PTPN3: variants seen among roughly 807,000 people sequenced by gnomAD.
PTPN3 encodes the protein tyrosine-protein phosphatase non-receptor type 3.
In PTPN3, 96 loss-of-function variants were observed where a neutral mutation model predicts 132.7. The ratio of observed to expected loss-of-function variants is 0.72; its 90% CI spans 0.61 to 0.86. The LOEUF (loss-of-function observed/expected upper bound fraction) is 0.86, where lower values mean the gene tolerates loss of function less well. Ranked by LOEUF, PTPN3 falls within the 40% of genes least tolerant of loss-of-function variation. PTPN3 has a pLI of 0.00. For synonymous variants in PTPN3, 398 were observed against 429.0 expected (o/e 0.93, Z 0.89); for missense variants, 1,125 against 1,159.6 (o/e 0.97, Z 0.43).
intron 1 of PTPN3, among the ~76,000 whole-genome samples, chr9:109,484,469 T>C (rs1847119736): frequency 6.6e-6 from 1 of 152,090 alleles, no homozygotes; most frequent in South Asian, 2.1e-4. Context: ...GCCACCTCTG[T>C]GGAAACTTGG....
At chr9:109,427,636 TTTTCTGTTTTCATGTTA>T (rs1843372274) in intron 11 of PTPN3, among the ~76,000 whole-genome samples, 1 of 152,182 alleles carries the variant, frequency 6.6e-6, no homozygotes, top group African/African-American at 2.4e-5. Flanking sequence ...TGAGTTTAGG[TTTTCTGTTTTCATGTTA>T]AATTGCCGTC....
intron 12 of PTPN3, among the ~76,000 whole-genome samples, 179 bp from the exon 13 acceptor site, chr9:109,423,031 A>C (rs1189499874): frequency 2.0e-5 from 3 of 152,240 alleles, no homozygotes; most frequent in African/African-American, 7.2e-5. Context: ...GAATTTCCTT[A>C]TGTGATTTCT....
intron 2 of PTPN3, among the ~76,000 whole-genome samples, chr9:109,459,937 C>T (rs1374738316): frequency 2.0e-5 from 3 of 152,084 alleles, no homozygotes; most frequent in Non-Finnish European, 4.4e-5. Flanking sequence ...CTCAGGGGAT[C>T]TCCTCCAGTT....
chr9:109,508,164 C>CT, the PTPN3 span, among the ~76,000 whole-genome samples: 9,800 of 143,766 alleles, frequency 0.068, 440 homozygotes, highest in East Asian at 0.23. Context: ...TTCTCTCTCT[C>CT]TTTTTTTTTT....
chr9:109,468,656 G>T (rs551020968), intron 1 of PTPN3, among the ~76,000 whole-genome samples: 1 of 152,074 alleles, frequency 6.6e-6, no homozygotes, highest in African/African-American at 2.4e-5. Flanking sequence ...GTGAGCCACC[G>T]CGCCCGGCTG....
chr9:109,532,193 C>A, the PTPN3 span, among the ~76,000 whole-genome samples: 1 of 152,166 alleles, frequency 6.6e-6, no homozygotes, highest in South Asian at 2.1e-4. Context: ...GCTGGCCACT[C>A]TCAAAAGACA....
chr9:109,412,235 G>A lies in PTPN3; in HGVS notation c.1314-1820C>T, dbSNP rs1211973471. 2.0e-5 allele frequency among the ~76,000 whole-genome samples: 3 copies of A among 152,010 alleles called. No homozygotes were observed. In the East Asian group the frequency reaches 5.8e-4, roughly 29 times the overall value. ...CCATTTTTTTTTCTTTTGAGGTAGGGTAAAGCTCTGTTGCCCAGGCTGGAG... is the reference window on the plus strand; with the variant it reads ...CCATTTTTTTTTCTTTTGAGGTAGGATAAAGCTCTGTTGCCCAGGCTGGAG... On this transcript the variant is annotated intron_variant, in intron 14 of 25. Transcript: ENST00000374541.
chr9:109,509,525 T>C, the PTPN3 span, among the ~76,000 whole-genome samples: 40,492 of 152,108 alleles, frequency 0.27, 5,700 homozygotes, highest in South Asian at 0.31. Flanking sequence ...CATCTTTTCT[T>C]ATGCTGGGCT....
At chr9:109,388,004 C>A (rs1055806966) in intron 22 of PTPN3, among the ~76,000 whole-genome samples, 2 of 152,228 alleles carry the variant, frequency 1.3e-5, no homozygotes, top group African/African-American at 4.8e-5. Flanking sequence ...TCTCTCTGCA[C>A]TTGCAGACCT....
chr9:109,520,173 A>AT, the PTPN3 span, among the ~76,000 whole-genome samples: 1 of 151,510 alleles, frequency 6.6e-6, no homozygotes. Context: ...AAAAAAAAAA[A>AT]GAAATGCCTC....
At chr9:109,461,457 T>C (rs568371370) in intron 2 of PTPN3, among the ~76,000 whole-genome samples, 1 of 152,284 alleles carries the variant, frequency 6.6e-6, no homozygotes, top group Non-Finnish European at 1.5e-5. Flanking sequence ...TTAATTAAGA[T>C]AAAATACAAA....
intron 24 of PTPN3, 43 bp downstream of exon 24, chr9:109,382,259 C>T (rs1462231577): frequency 1.2e-6 from 2 of 1,600,160 alleles, no homozygotes; most frequent in Middle Eastern, 1.7e-4. Context: ...CCTTTTCCGA[C>T]AGGGAAAGGA....
At chr9:109,422,207 G>T (rs186317125) in intron 13 of PTPN3, among the ~76,000 whole-genome samples, 108 of 152,214 alleles carry the variant, frequency 7.1e-4, no homozygotes, top group African/African-American at 2.5e-3. Flanking sequence ...TTTACCAAAC[G>T]ACCACCTATT....
intron 14 of PTPN3, among the ~76,000 whole-genome samples, chr9:109,416,439 GTTTTTTTGTTTCT>G (rs1842499112): frequency 1.4e-5 from 2 of 140,268 alleles, no homozygotes; most frequent in African/African-American, 5.2e-5. Context: ...TTTGTTTTTT[GTTTTTTTGTTTCT>G]TTTTTTTTTT....
At chr9:109,498,379 G>C (rs996491730), upstream of PTPN3, 3 of 147,020 alleles carry the variant, frequency 2.0e-5, no homozygotes, top group Non-Finnish European at 3.0e-5. This position sits in a 1 kb window ranked among gnomAD's most constrained non-coding sequence, Gnocchi z 4.2. Flanking sequence ...CGCGCCGGGC[G>C]GGGGGCGGGC....
intron 1 of PTPN3, among the ~76,000 whole-genome samples, chr9:109,497,861 G>C (rs978339598): frequency 5.9e-5 from 9 of 151,550 alleles, no homozygotes; most frequent in African/African-American, 1.9e-4. Context: ...GCGGCGGCAC[G>C]GGGTCCTCCG....
At chr9:109,393,851 A>C (rs1840344515) in intron 19 of PTPN3, among the ~76,000 whole-genome samples, 1 of 152,174 alleles carries the variant, frequency 6.6e-6, no homozygotes, top group Non-Finnish European at 1.5e-5. Context: ...TTTTTCTCTT[A>C]CTAAATAAAT....
At chr9:109,455,470 A>G (rs55959811) in intron 4 of PTPN3, among the ~76,000 whole-genome samples, 50,232 of 152,030 alleles carry the variant, frequency 0.33, 9,100 homozygotes, top group African/African-American at 0.45. Context: ...TCTACCTGAG[A>G]TCATCCTGAG....
At position 109,448,366 on chromosome 9, in the gene PTPN3, C is replaced by A. The variant is rs150226040; in HGVS notation, c.413+445G>T. Among the ~76,000 whole-genome samples, 51 of 152,280 alleles carry A rather than the reference C, an allele frequency of 3.3e-4. 2 individuals carry two copies. Among genetic ancestry groups the A allele is most frequent in the African/African-American group, 1.2e-3 (50 of 41,550 alleles). On this transcript the variant is annotated intron_variant, in intron 6 of 25. Transcript: ENST00000374541. Reference sequence around the variant, plus strand: ...TGGAATTTCCTCTCCCTTCTAGCTACTGAGATGGTCTTGGTAACACAAGAA... The same window carrying A: ...TGGAATTTCCTCTCCCTTCTAGCTAATGAGATGGTCTTGGTAACACAAGAA...
Sources: allele counts gnomAD v4.1 joint callset (sites outside exome capture counted in the v4.1 genomes callset), GRCh38; gene constraint gnomAD v4.1.1; non-coding constraint Gnocchi (gnomAD v3.1); transcripts MANE v1.5; gene names NCBI Gene and HGNC (gene_info 2026-07-23, HGNC 2026-07-21).